CTTNBP2NL: variants seen among roughly 807,000 people sequenced by gnomAD.
CTTNBP2NL encodes CTTNBP2 N-terminal like.
CTTNBP2NL carries 16 observed loss-of-function variants against 32.5 expected under a neutral mutation model. The ratio of observed to expected loss-of-function variants is 0.49; its 90% confidence interval spans 0.33 to 0.75. The LOEUF is 0.75. Among genes scored for constraint, CTTNBP2NL ranks in the 30% least tolerant of loss-of-function variants. The probability of loss-of-function intolerance (pLI) is 0.02; values close to 1 mark genes in which losing one functional copy is unlikely to be tolerated. For synonymous variants in CTTNBP2NL, 298 were observed against 289.4 expected (o/e 1.03, Z -0.30); for missense variants, 645 against 756.0 (o/e 0.85, Z 1.72).
At chr1:112,438,530 AC>A (rs1649804119) in intron 3 of CTTNBP2NL, among the ~76,000 whole-genome samples, 1 of 152,098 alleles carries the variant, frequency 6.6e-6, no homozygotes, top group Non-Finnish European at 1.5e-5. Flanking sequence ...GAATAGTTTG[AC>A]TTCCTCTTTT....
chr1:112,449,166 C>A lies in CTTNBP2NL; in HGVS notation c.324C>A (p.His108Gln). The change falls in exon 4 of 6, where the codon CAC becomes CAA. Residue 108 changes from histidine (H) to glutamine (Q), a missense_variant. Transcript: ENST00000271277. Reference sequence around the variant, plus strand: ...AGCTGGCTGCTGCTGAGAGCAGGCACCGAAAGGTAGGTTCACCTCAGTTGA... The same window carrying A: ...AGCTGGCTGCTGCTGAGAGCAGGCAACGAAAGGTAGGTTCACCTCAGTTGA... Reference protein sequence around the residue: ...LSQLAAAESRHRKVILDLEEE... With the variant: ...LSQLAAAESRQRKVILDLEEE... 6.3e-7 allele frequency: 1 copy of A among 1,593,948 alleles called. No homozygotes were observed. Among genetic ancestry groups the A allele is most frequent in the Non-Finnish European group, 8.6e-7 (1 of 1,162,016 alleles).
chr1:112,408,220 ATTTTTTTTTT>A (rs397981257), intron 1 of CTTNBP2NL, among the ~76,000 whole-genome samples: 3 of 103,760 alleles, frequency 2.9e-5, no homozygotes. Flanking sequence ...TTTTTTTTTA[ATTTTTTTTTT>A]TTTTTTTTTT....
chr1:112,404,965 C>T (rs2100992703), intron 1 of CTTNBP2NL, among the ~76,000 whole-genome samples: 2 of 151,938 alleles, frequency 1.3e-5, no homozygotes, highest in Middle Eastern at 6.8e-3. Context: ...GCAGGGGAAT[C>T]TCTTGAACCA....
At chr1:112,440,198 T>C (rs1027411188) in intron 3 of CTTNBP2NL, among the ~76,000 whole-genome samples, 6 of 152,206 alleles carry the variant, frequency 3.9e-5, no homozygotes, top group African/African-American at 1.4e-4. Flanking sequence ...TCTCCAATAG[T>C]ATTTTGGTTG....
At chr1:112,430,783 C>T (rs1292602832) in intron 3 of CTTNBP2NL, among the ~76,000 whole-genome samples, 3 of 151,834 alleles carry the variant, frequency 2.0e-5, no homozygotes, top group Non-Finnish European at 4.4e-5. Context: ...ACATGTTTCA[C>T]CATGTTGGCC....
chr1:112,414,530 T>C (rs190669587), intron 2 of CTTNBP2NL, among the ~76,000 whole-genome samples: 3 of 152,338 alleles, frequency 2.0e-5, no homozygotes, highest in African/African-American at 7.2e-5. Flanking sequence ...TCAATTCTTT[T>C]TTTGTGTGCC....
At chr1:112,429,924 A>C (rs764867890) in intron 3 of CTTNBP2NL, among the ~76,000 whole-genome samples, 18 of 152,314 alleles carry the variant, frequency 1.2e-4, no homozygotes, top group Non-Finnish European at 2.4e-4. Context: ...TCTTGAGAAT[A>C]GTAGGAACTC....
At chr1:112,403,407 T>G (rs1648563608) in intron 1 of CTTNBP2NL, among the ~76,000 whole-genome samples, 4 of 45,426 alleles carry the variant, frequency 8.8e-5, no homozygotes. Context: ...TTTCAGTATC[T>G]GAACCAGACA....
intron 1 of CTTNBP2NL, among the ~76,000 whole-genome samples, chr1:112,407,753 T>C (rs956033359): frequency 3.3e-5 from 5 of 152,134 alleles, no homozygotes; most frequent in Non-Finnish European, 7.3e-5. Context: ...CTGTTTAATA[T>C]TGGAATTGAA....
upstream of CTTNBP2NL, among the ~76,000 whole-genome samples, chr1:112,395,855 G>A (rs747263780): frequency 1.3e-5 from 2 of 152,206 alleles, no homozygotes; most frequent in Non-Finnish European, 2.9e-5. Flanking sequence ...GGCCACCAGA[G>A]CCCTCCATTC....
chr1:112,431,313 A>G (rs745900914), intron 3 of CTTNBP2NL, among the ~76,000 whole-genome samples: 20 of 152,204 alleles, frequency 1.3e-4, no homozygotes, highest in Non-Finnish European at 2.9e-4. Context: ...ATCAGGGGTT[A>G]TTTCTAGTTG....
At chr1:112,414,312 C>T (rs762001034) in intron 2 of CTTNBP2NL, among the ~76,000 whole-genome samples, 2 of 151,936 alleles carry the variant, frequency 1.3e-5, no homozygotes, top group East Asian at 1.9e-4. Context: ...TGCAGTGAGC[C>T]GAAATCACCC....
Position 112,456,978 on chromosome 1 carries a change from G to C in CTTNBP2NL, c.1486G>C (p.Ala496Pro). The C allele has an allele frequency of 6.2e-7, 1 of 1,613,970 alleles. No homozygotes were observed. Among genetic ancestry groups the C allele is most frequent in the Non-Finnish European group, 8.5e-7 (1 of 1,180,006 alleles). The change falls in exon 6 of 6, where the codon GCC becomes CCC. Residue 496 changes from alanine to proline, a missense_variant. By Grantham distance (27) the Ala-to-Pro change is conservative. Transcript: ENST00000271277. ...ATCCCCCACCCTCATAGACAACTCT[G>C]CCGCCAAGCAGCTGGCCCGAAACAC... ...DLSPTLIDNSAAKQLARNTVT... is the reference protein window; with the variant it reads ...DLSPTLIDNSPAKQLARNTVT...
At chr1:112,398,817 C>CAA (rs3033224) in intron 1 of CTTNBP2NL, among the ~76,000 whole-genome samples, 12 of 93,596 alleles carry the variant, frequency 1.3e-4, no homozygotes, top group East Asian at 3.8e-4. Context: ...TGTCTCTTAA[C>CAA]AAAAAAAAAA....
intron 3 of CTTNBP2NL, among the ~76,000 whole-genome samples, chr1:112,426,843 TG>T (rs1277463149): frequency 2.6e-5 from 4 of 152,090 alleles, no homozygotes; most frequent in African/African-American, 9.7e-5. Context: ...TGACCTCAAG[TG>T]ATCTGCCCAC....
rs1333104099 is a variant in CTTNBP2NL, at chr1:112,459,742, T to C, written c.*2330T>C. The C allele has an allele frequency of 6.6e-6, 1 of 151,998 alleles. No homozygotes were observed. The highest frequency in any genetic ancestry group is 6.6e-5 in the Admixed American group (1 of 15,258). 9.4% of individuals were successfully genotyped at this position (151,998 alleles called of 1,614,324 possible). Reference sequence around the variant, plus strand: ...GAGAGGAGGCTACAGTGCCAGAGAGTTATTGTCTCTTTTGCTTTAAATGGT... The same window carrying C: ...GAGAGGAGGCTACAGTGCCAGAGAGCTATTGTCTCTTTTGCTTTAAATGGT... On this transcript the variant is annotated 3_prime_UTR_variant, in exon 6 of 6. Coordinates refer to ENST00000271277, the MANE Select transcript of CTTNBP2NL (RefSeq NM_018704.3).
Position 112,457,051 on chromosome 1 carries a change from A to G in CTTNBP2NL, c.1559A>G (p.Lys520Arg). The G allele has an allele frequency of 6.2e-7, 1 of 1,614,176 alleles. No individual in the cohort carries two copies. Among genetic ancestry groups the G allele is most frequent in the Non-Finnish European group, 8.5e-7 (1 of 1,180,038 alleles). The change falls in exon 6 of 6, where the codon AAG becomes AGG. Residue 520 changes from lysine to arginine, a missense_variant. Lys to Arg is a conservative substitution (Grantham distance 26). Coordinates refer to ENST00000271277, the MANE Select transcript of CTTNBP2NL (RefSeq NM_018704.3). Reference sequence around the variant, plus strand: ...TTCACTAGCCAACAAGGGCCAATCAAGCCAGTCTCTCCCAACAGCTCTCCC... The same window carrying G: ...TTCACTAGCCAACAAGGGCCAATCAGGCCAGTCTCTCCCAACAGCTCTCCC... ...SRFTSQQGPI[K>R]PVSPNSSPFG...
intron 3 of CTTNBP2NL, among the ~76,000 whole-genome samples, chr1:112,437,350 G>A (rs184584869): frequency 7.7e-4 from 118 of 152,278 alleles, no homozygotes; most frequent in African/African-American, 2.8e-3. Context: ...GTATCTCATT[G>A]TGGTTTTGAT....
At chr1:112,453,717 A>G (rs1453523120) in intron 4 of CTTNBP2NL, among the ~76,000 whole-genome samples, 1 of 152,068 alleles carries the variant, frequency 6.6e-6, no homozygotes, top group African/African-American at 2.4e-5. Context: ...TTGCACTACT[A>G]CAGTCCAGCC....
Sources: allele counts gnomAD v4.1 joint callset (sites outside exome capture counted in the v4.1 genomes callset), GRCh38; gene constraint gnomAD v4.1.1; transcripts MANE v1.5; gene names NCBI Gene and HGNC (gene_info 2026-07-23, HGNC 2026-07-21).